The following FAM53A variants were observed in gnomAD, a reference collection of about 807,000 sequenced individuals.
The protein encoded by FAM53A is family with sequence similarity 53 member A.
In FAM53A, 28 loss-of-function variants were observed where a neutral mutation model predicts 26.6. That is an observed-to-expected ratio of 1.05 (90% CI 0.78 to 1.45). FAM53A has a LOEUF of 1.45. FAM53A is among the 40% of genes most tolerant of loss of function. The pLI is 0.00. For synonymous variants in FAM53A, 290 were observed against 253.1 expected (o/e 1.15, Z -1.38); for missense variants, 650 against 575.8 (o/e 1.13, Z -1.32).
chr4:1,653,642 C>A (rs893807332), intron 4 of FAM53A, among the ~76,000 whole-genome samples: 3 of 152,222 alleles, frequency 2.0e-5, no homozygotes, highest in African/African-American at 7.2e-5. Flanking sequence ...AAGATCAGAG[C>A]CTTCTCTAAA....
At chr4:1,664,715 G>C (rs752872125) in intron 2 of FAM53A, among the ~76,000 whole-genome samples, 8 of 152,034 alleles carry the variant, frequency 5.3e-5, no homozygotes, top group Non-Finnish European at 8.8e-5. Context: ...CGGTGGCTCA[G>C]GCCTGTAATC....
intron 1 of FAM53A, among the ~76,000 whole-genome samples, chr4:1,680,002 G>T (rs1273005088): frequency 7.7e-6 from 1 of 129,588 alleles, no homozygotes; most frequent in Admixed American, 8.9e-5. Flanking sequence ...CAGCCTGAGC[G>T]ACAGGGCAAG....
At chr4:1,588,116 T>C in the FAM53A span, among the ~76,000 whole-genome samples, 2 of 152,264 alleles carry the variant, frequency 1.3e-5, no homozygotes, top group African/African-American at 4.8e-5. Context: ...GATGCAGCTC[T>C]GCTTTCATGC....
At chr4:1,598,987 C>T in the FAM53A span, among the ~76,000 whole-genome samples, 25 of 152,394 alleles carry the variant, frequency 1.6e-4, 1 homozygote, top group African/African-American at 4.8e-4. Context: ...CTGTAGCGTG[C>T]GCAGGGGTGC....
At chr4:1,631,302 G>A (rs1715600643) in intron 1 of FAM53A, among the ~76,000 whole-genome samples, 1 of 152,210 alleles carries the variant, frequency 6.6e-6, no homozygotes, top group East Asian at 1.9e-4. Context: ...CAGGCCTGCT[G>A]TGGGCAGCAA....
At chr4:1,642,456 A>G (rs1339105764) in intron 4 of FAM53A, among the ~76,000 whole-genome samples, 1 of 150,758 alleles carries the variant, frequency 6.6e-6, no homozygotes, top group African/African-American at 2.5e-5. Context: ...TATCTCACTC[A>G]GTAGCCTCCC....
chr4:1,584,957 G>C, the FAM53A span, among the ~76,000 whole-genome samples: 3 of 152,124 alleles, frequency 2.0e-5, no homozygotes, highest in Non-Finnish European at 4.4e-5. Flanking sequence ...TTGCAGACTT[G>C]TTTTTTTAAT....
At chr4:1,668,938 T>C (rs1714440031) in intron 1 of FAM53A, 33 bp from the exon 2 acceptor site, 2 of 542,614 alleles carry the variant, frequency 3.7e-6, no homozygotes, top group African/African-American at 1.9e-5. Flanking sequence ...CATCATGTGA[T>C]TATACGCAAA....
intron 4 of FAM53A, chr4:1,644,479 G>A (rs1382945749): frequency 5.3e-6 from 6 of 1,126,598 alleles, no homozygotes; most frequent in Non-Finnish European, 7.4e-6. Flanking sequence ...CGGAACTGAA[G>A]GGGCCACCCA....
chr4:1,655,046 GC>G lies in FAM53A; in HGVS notation c.813del (p.Arg272AlafsTer19). On this transcript the variant is annotated frameshift_variant, in exon 4 of 5. Coordinates refer to ENST00000308132, the MANE Select transcript of FAM53A (RefSeq NM_001174070.3). LOFTEE classifies it high-confidence loss of function. Reference sequence around the variant, plus strand: ...GCGTCCTCCTCACGCCTCCGTTTGCGCCGGCTCCTCTTCCCACTGAGCACGC... The same window carrying G: ...GCGTCCTCCTCACGCCTCCGTTTGCGCGGCTCCTCTTCCCACTGAGCACGC... ...QPCVLSGKRS[R>X]RKRRREEDAR... 6.3e-7 allele frequency: 1 copy of G among 1,585,980 alleles called. No homozygotes were observed. Among genetic ancestry groups the G allele is most frequent in the South Asian group, 1.1e-5 (1 of 87,206 alleles).
chr4:1,684,169 C>G (rs1317215613), intron 1 of FAM53A, 64 bp downstream of exon 1: 1 of 151,768 alleles, frequency 6.6e-6, no homozygotes, highest in Admixed American at 6.6e-5. Flanking sequence ...GCCGGTGCGC[C>G]GAGGAATGGG....
the FAM53A span, among the ~76,000 whole-genome samples, chr4:1,590,488 T>C: frequency 6.6e-6 from 1 of 152,028 alleles, no homozygotes; most frequent in Non-Finnish European, 1.5e-5. Flanking sequence ...TGAACCACAA[T>C]AAAAACCTTT....
chr4:1,643,737 T>C (rs934534225), intron 4 of FAM53A, among the ~76,000 whole-genome samples: 2 of 151,752 alleles, frequency 1.3e-5, no homozygotes, highest in Admixed American at 1.3e-4. Context: ...GGTCTAATTT[T>C]TGTATTTTCT....
At chr4:1,595,123 C>T in the FAM53A span, among the ~76,000 whole-genome samples, 1 of 152,210 alleles carries the variant, frequency 6.6e-6, no homozygotes, top group South Asian at 2.1e-4. Flanking sequence ...ATTCCAGCTC[C>T]CACAGGAGTC....
chr4:1,624,829 C>T (rs1715208460), intron 1 of FAM53A, among the ~76,000 whole-genome samples: 1 of 152,262 alleles, frequency 6.6e-6, no homozygotes, highest in East Asian at 1.9e-4. Context: ...CACTCAAGGA[C>T]CCAAGGGCCC....
chr4:1,593,673 T>G, the FAM53A span, among the ~76,000 whole-genome samples: 2 of 152,086 alleles, frequency 1.3e-5, no homozygotes, highest in African/African-American at 4.8e-5. Flanking sequence ...ACAGGGTAAT[T>G]GCAGAGCGGC....
chr4:1,663,798 G>C (rs73798418), intron 2 of FAM53A, among the ~76,000 whole-genome samples: 10,080 of 149,472 alleles, frequency 0.067, 944 homozygotes, highest in African/African-American at 0.21. Context: ...GCAAGACCCC[G>C]TCTCTACCAA....
intron 4 of FAM53A, among the ~76,000 whole-genome samples, chr4:1,650,806 T>TG: frequency 6.6e-6 from 1 of 151,808 alleles, no homozygotes; most frequent in South Asian, 2.1e-4. Context: ...GGTTTTGTTT[T>TG]TTTTTTAACA....
intron 1 of FAM53A, among the ~76,000 whole-genome samples, chr4:1,672,539 C>G (rs1319665366): frequency 6.6e-6 from 1 of 152,154 alleles, no homozygotes. Flanking sequence ...ACACAACAGT[C>G]TCAGGCAAGA....
Sources: allele counts gnomAD v4.1 joint callset (sites outside exome capture counted in the v4.1 genomes callset), GRCh38; gene constraint gnomAD v4.1.1; transcripts MANE v1.5; gene names NCBI Gene and HGNC (gene_info 2026-07-23, HGNC 2026-07-21).